Variants in RAB40A observed in about 807,000 individuals in gnomAD.
The protein encoded by RAB40A is RAB40A, member RAS oncogene family.
For missense variants in RAB40A, 145 were observed against 230.2 expected, an observed-to-expected ratio of 0.63 and a Z score of 2.40; for synonymous variants, 65 against 99.9, an observed-to-expected ratio of 0.65 and a Z score of 2.08.
At chrX:103,507,957 TATTTTTTA>T (rs1249960725) in intron 2 of RAB40A, among the ~76,000 whole-genome samples, 1 of 111,936 alleles carries the variant, frequency 8.9e-6, no homozygotes, top group Non-Finnish European at 1.9e-5. Flanking sequence ...CAGGTTTTTG[TATTTTTTA>T]ATGTTTATTG....
At chrX:103,497,774 C>G (rs1255385195), downstream of RAB40A, among the ~76,000 whole-genome samples, 3 of 111,627 alleles carry the variant, frequency 2.7e-5, no homozygotes, top group Non-Finnish European at 5.6e-5. Context: ...ATCTTCTAGA[C>G]AAACACACTG....
At chrX:103,513,307 G>A (rs1287587945) in intron 2 of RAB40A, among the ~76,000 whole-genome samples, 1 of 111,222 alleles carries the variant, frequency 9.0e-6, no homozygotes, top group African/African-American at 3.3e-5. Flanking sequence ...CACAGGGGAG[G>A]GAAAGGGGAG....
At chrX:103,508,235 C>T (rs1372820069) in intron 2 of RAB40A, among the ~76,000 whole-genome samples, 1 of 111,619 alleles carries the variant, frequency 9.0e-6, no homozygotes, top group Non-Finnish European at 1.9e-5. Context: ...ACCTGTGGGG[C>T]CACAATAGCA....
At chrX:103,505,036 T>C (rs1300570767) in intron 2 of RAB40A, among the ~76,000 whole-genome samples, 2 of 112,106 alleles carry the variant, frequency 1.8e-5, no homozygotes. Flanking sequence ...TCATTATACC[T>C]CCAAAAGTAA....
chrX:103,499,264 C>A lies in RAB40A; in HGVS notation c.*659G>T. 8.1e-6 allele frequency: 1 copy of A among 122,752 alleles called. No homozygotes were observed. The allele number at this position is 122,752 out of a possible 1,213,427, so 10.1% of individuals were successfully genotyped here. On this transcript the variant is annotated 3_prime_UTR_variant, in exon 3 of 3. Transcript: ENST00000304236. ...CTAGAGATATCTTTGGTGTTTTCCT[C>A]CCTTAGCTTCATATCTTGTAGAACA...
rs368899824 is a variant in RAB40A, at chrX:103,516,973, T to C, written c.-71+401A>G. On this transcript the variant is annotated intron_variant, in intron 2 of 2. Transcript: ENST00000304236. ...TGGCCCAGACCCAATTCCTTAACAA[T>C]GCATTTGAGTAGAAATGCCATACTT... Among the ~76,000 whole-genome samples, 12 of 111,607 alleles carry C rather than the reference T, an allele frequency of 1.1e-4. No homozygotes were observed. In the East Asian group the frequency reaches 1.4e-3, roughly 13 times the overall value.
chrX:103,511,744 T>C lies in RAB40A; in HGVS notation c.-71+5630A>G, dbSNP rs1220489411. ...ATAGCATTAGGAGAAATACCTAATG[T>C]AGATGATGGGTTGATGGGTGCAGCA... On this transcript the variant is annotated intron_variant, in intron 2 of 2. Coordinates refer to ENST00000304236, the MANE Select transcript of RAB40A (RefSeq NM_080879.3). Among the ~76,000 whole-genome samples, 10 of 110,748 alleles carry C rather than the reference T, an allele frequency of 9.0e-5. No individual in the cohort carries two copies. The Admixed American group carries it at 9.6e-4, about 11-fold the overall frequency.
chrX:103,496,820 A>G (rs2147849994), downstream of RAB40A, among the ~76,000 whole-genome samples: 1 of 112,722 alleles, frequency 8.9e-6, no homozygotes, highest in South Asian at 3.7e-4. Flanking sequence ...TTAGGTAAAT[A>G]TAGCATTGCA....
At chrX:103,510,447 C>T (rs2073283267) in intron 2 of RAB40A, among the ~76,000 whole-genome samples, 1 of 112,335 alleles carries the variant, frequency 8.9e-6, no homozygotes, top group African/African-American at 3.2e-5. Flanking sequence ...TCTACTATCC[C>T]TATGGTGCAG....
chrX:103,503,430 C>T (rs2073239061), intron 2 of RAB40A: 1 of 752,803 alleles, frequency 1.3e-6, no homozygotes, highest in Non-Finnish European at 1.6e-6. Context: ...CACGGGACAA[C>T]GTATACTGAG....
At chrX:103,517,065 G>T (rs1243484829) in intron 2 of RAB40A, among the ~76,000 whole-genome samples, 1 of 111,506 alleles carries the variant, frequency 9.0e-6, no homozygotes, top group Non-Finnish European at 1.9e-5. Flanking sequence ...TCTTTAACCT[G>T]CATGTCAACC....
chrX:103,497,958 A>G (rs1030124274), downstream of RAB40A, among the ~76,000 whole-genome samples: 1 of 111,928 alleles, frequency 8.9e-6, no homozygotes, highest in Non-Finnish European at 1.9e-5. Context: ...AGCATTTTGT[A>G]TACTAGGGAA....
intron 2 of RAB40A, among the ~76,000 whole-genome samples, chrX:103,516,337 T>C (rs1366350827): frequency 8.9e-6 from 1 of 111,734 alleles, no homozygotes; most frequent in Non-Finnish European, 1.9e-5. Context: ...ATTTTGATAT[T>C]TTCCTGGGCT....
intron 2 of RAB40A, among the ~76,000 whole-genome samples, chrX:103,505,614 AT>A (rs2073250805): frequency 9.0e-6 from 1 of 111,375 alleles, no homozygotes; most frequent in South Asian, 3.8e-4. Context: ...GGATTCTTAT[AT>A]TGTAAAATGC....
At chrX:103,513,005 C>T (rs2073298830) in intron 2 of RAB40A, among the ~76,000 whole-genome samples, 3 of 111,428 alleles carry the variant, frequency 2.7e-5, no homozygotes, top group African/African-American at 3.3e-5. Context: ...TAAGCCAAGA[C>T]AATTAGGTAC....
intron 2 of RAB40A, chrX:103,503,572 T>TA (rs113570594): frequency 0.068 from 33,592 of 496,461 alleles, 2,268 homozygotes; most frequent in African/African-American, 0.42. Flanking sequence ...TGTCCTCCTT[T>TA]AAAAAAAAAA....
At chrX:103,507,712 G>A (rs1237994296) in intron 2 of RAB40A, among the ~76,000 whole-genome samples, 1 of 112,297 alleles carries the variant, frequency 8.9e-6, no homozygotes, top group African/African-American at 3.2e-5. Context: ...CAGAATGATG[G>A]GTTAAATGGT....
intron 2 of RAB40A, among the ~76,000 whole-genome samples, chrX:103,507,436 T>C (rs868285068): frequency 6.9e-4 from 76 of 110,742 alleles, no homozygotes; most frequent in African/African-American, 2.1e-3. Context: ...GAAAGTGTTT[T>C]AAATTTTATT....
At chrX:103,512,571 A>G (rs1035713703) in intron 2 of RAB40A, among the ~76,000 whole-genome samples, 1 of 111,838 alleles carries the variant, frequency 8.9e-6, no homozygotes, top group African/African-American at 3.2e-5. Context: ...ACTGAGAAAA[A>G]TCACAATAAA....
Sources: gnomAD v4.1 joint callset for allele counts (sites outside exome capture counted in the v4.1 genomes callset) on GRCh38, gnomAD v4.1.1 for gene constraint, MANE v1.5 for transcripts, NCBI Gene and HGNC (gene_info 2026-07-23, HGNC 2026-07-21) for gene names.